The following CCDC178 variants were observed in gnomAD, a reference collection of about 807,000 sequenced individuals.
CCDC178 encodes coiled-coil domain containing 178.
CCDC178 carries 126 observed loss-of-function variants against 117.4 expected under a neutral mutation model. The observed-to-expected ratio is 1.07, with a 90% CI of 0.93 to 1.24. CCDC178 has a LOEUF of 1.24. Among genes scored for constraint, CCDC178 ranks in the 50% most tolerant of loss-of-function variants. The pLI, the probability that CCDC178 is intolerant of heterozygous loss-of-function variation, is 0.00. For missense variants in CCDC178, 1,030 were observed against 986.9 expected (o/e 1.04, Z -0.59); for synonymous variants, 283 against 313.4 (o/e 0.90, Z 1.02).
chr18:33,001,475 T>G (rs1259609298), intron 21 of CCDC178, among the ~76,000 whole-genome samples: 1 of 151,922 alleles, frequency 6.6e-6, no homozygotes, highest in Non-Finnish European at 1.5e-5. Context: ...ATCACGCCAC[T>G]GCACTCCACC....
intron 18 of CCDC178, among the ~76,000 whole-genome samples, chr18:33,218,190 ACATAC>A (rs200966477): frequency 0.034 from 5,184 of 152,130 alleles, 134 homozygotes; most frequent in Admixed American, 0.05. Flanking sequence ...ACCACATTTG[ACATAC>A]ATCTAGAGGA....
At chr18:33,270,432 C>T (rs938688067) in intron 12 of CCDC178, among the ~76,000 whole-genome samples, 12 of 151,344 alleles carry the variant, frequency 7.9e-5, no homozygotes, top group Non-Finnish European at 1.0e-4. Context: ...GATATATACT[C>T]GAGATACATC....
intron 20 of CCDC178, among the ~76,000 whole-genome samples, chr18:33,137,814 C>T (rs2058147521): frequency 6.6e-6 from 1 of 152,160 alleles, no homozygotes; most frequent in Admixed American, 6.6e-5. Context: ...TTGGAAGACA[C>T]AATCACACGG....
chr18:33,117,571 G>T lies in CCDC178; in HGVS notation c.2239-24661C>A, dbSNP rs752567234. Among the ~76,000 whole-genome samples the T allele has an allele frequency of 1.3e-5, 2 of 152,108 alleles. 1 individual carries two copies. Among genetic ancestry groups the T allele is most frequent in the Middle Eastern group, 6.8e-3 (2 of 294 alleles). On this transcript the variant is annotated intron_variant, in intron 20 of 22. Transcript: ENST00000383096. The stretch of plus-strand genomic sequence containing the variant: ...AACATCACACACCGGGGCCTGTCGT[G>T]GGGTGGGGGGAGCGGGGAGAGGGAT...
chr18:33,353,635 GCTT>G (rs1026812076), intron 7 of CCDC178, among the ~76,000 whole-genome samples: 4 of 151,808 alleles, frequency 2.6e-5, no homozygotes, highest in Admixed American at 2.0e-4. Flanking sequence ...AATCAATGTA[GCTT>G]CAATAGTATA....
chr18:33,166,467 C>A (rs1266376400), intron 20 of CCDC178, among the ~76,000 whole-genome samples: 1 of 151,972 alleles, frequency 6.6e-6, no homozygotes, highest in African/African-American at 2.4e-5. Flanking sequence ...AACTCTGATC[C>A]CAATTGGATG....
chr18:33,129,890 T>C (rs2058050181), intron 20 of CCDC178, among the ~76,000 whole-genome samples: 1 of 152,006 alleles, frequency 6.6e-6, no homozygotes, highest in African/African-American at 2.4e-5. Context: ...CATTGGAGTC[T>C]ATTTTCATAG....
chr18:33,324,896 A>T (rs1000235335), intron 10 of CCDC178, among the ~76,000 whole-genome samples: 5 of 151,882 alleles, frequency 3.3e-5, no homozygotes, highest in Admixed American at 3.3e-4. Context: ...TATGGAAAAA[A>T]ACTTTATTTG....
intron 15 of CCDC178, among the ~76,000 whole-genome samples, chr18:33,243,169 T>C (rs1213420200): frequency 6.6e-6 from 1 of 151,894 alleles, no homozygotes; most frequent in Non-Finnish European, 1.5e-5. Flanking sequence ...AAATACTACA[T>C]AATCTCATTC....
At chr18:32,988,823 T>C (rs1224313101) in intron 21 of CCDC178, among the ~76,000 whole-genome samples, 1 of 151,986 alleles carries the variant, frequency 6.6e-6, no homozygotes, top group Non-Finnish European at 1.5e-5. Flanking sequence ...GAAATTAAAA[T>C]TGTTAAGATA....
intron 20 of CCDC178, among the ~76,000 whole-genome samples, chr18:33,171,385 C>T (rs1466850615): frequency 1.3e-5 from 2 of 152,188 alleles, no homozygotes; most frequent in Non-Finnish European, 2.9e-5. Context: ...TAATGGACAA[C>T]ATCCTCTTTA....
At chr18:33,298,542 C>T (rs970259679) in intron 11 of CCDC178, among the ~76,000 whole-genome samples, 1 of 152,130 alleles carries the variant, frequency 6.6e-6, no homozygotes, top group African/African-American at 2.4e-5. Flanking sequence ...GAGGGAAAAG[C>T]TGAAAGTTTT....
intron 21 of CCDC178, among the ~76,000 whole-genome samples, chr18:32,976,456 G>C (rs1338543434): frequency 6.6e-6 from 1 of 152,164 alleles, no homozygotes; most frequent in African/African-American, 2.4e-5. Context: ...ATTACCTAAT[G>C]TATGCATCAA....
intron 21 of CCDC178, among the ~76,000 whole-genome samples, chr18:33,036,690 A>G (rs1165390660): frequency 6.6e-6 from 1 of 151,954 alleles, no homozygotes; most frequent in Non-Finnish European, 1.5e-5. Flanking sequence ...AAGATGGATG[A>G]CAGTGGCTCA....
At chr18:33,179,078 A>AAAAAATAT (rs71159804) in intron 20 of CCDC178, among the ~76,000 whole-genome samples, 27 of 55,812 alleles carry the variant, frequency 4.8e-4, no homozygotes, top group African/African-American at 1.8e-3. Flanking sequence ...AAAAAAAAAA[A>AAAAAATAT]ATATATATAT....
intron 20 of CCDC178, among the ~76,000 whole-genome samples, chr18:33,099,765 A>C (rs1288535362): frequency 1.1e-4 from 16 of 151,978 alleles, no homozygotes; most frequent in Admixed American, 1.0e-3. Context: ...TAAGAATGAT[A>C]TGTGTCGATA....
intron 3 of CCDC178, among the ~76,000 whole-genome samples, chr18:33,411,574 T>A (rs1042347215): frequency 2.6e-5 from 4 of 152,002 alleles, no homozygotes; most frequent in Admixed American, 6.6e-5. Context: ...TAAAATCATA[T>A]AATTTTAAAA....
chr18:33,294,961 C>A (rs940872583), intron 11 of CCDC178, among the ~76,000 whole-genome samples: 2 of 152,138 alleles, frequency 1.3e-5, no homozygotes, highest in Admixed American at 6.5e-5. Context: ...TTATACTATG[C>A]TTGTCTCCAC....
intron 21 of CCDC178, among the ~76,000 whole-genome samples, chr18:32,980,427 C>T (rs2055126614): frequency 1.3e-5 from 2 of 151,770 alleles, no homozygotes. Flanking sequence ...AAAAATTAGC[C>T]GGGCGCAGTG....
Sources: allele counts gnomAD v4.1 joint callset (sites outside exome capture counted in the v4.1 genomes callset), GRCh38; gene constraint gnomAD v4.1.1; transcripts MANE v1.5; gene names NCBI Gene and HGNC (gene_info 2026-07-23, HGNC 2026-07-21).